Variants in CPNE4 observed in about 807,000 individuals in gnomAD.
The protein encoded by CPNE4 is copine-4.
A neutral mutation model predicts 67.9 loss-of-function variants in CPNE4; 25 were observed. That is an observed-to-expected ratio of 0.37 (90% CI 0.27 to 0.51). The LOEUF (loss-of-function observed/expected upper bound fraction) is 0.51, where lower values mean the gene tolerates loss of function less well. Ranked by LOEUF, CPNE4 falls within the 20% of genes least tolerant of loss-of-function variation. The pLI is 0.93. For synonymous variants in CPNE4, 242 were observed against 244.9 expected (o/e 0.99, Z 0.11); for missense variants, 464 against 690.8 (o/e 0.67, Z 3.68).
At chr3:131,756,596 A>G (rs2082755908) in intron 2 of CPNE4, among the ~76,000 whole-genome samples, 1 of 152,240 alleles carries the variant, frequency 6.6e-6, no homozygotes, top group Non-Finnish European at 1.5e-5. Flanking sequence ...TTTGGCCAGG[A>G]GATGGCAAGA....
At chr3:131,887,166 T>C (rs568545898) in intron 2 of CPNE4, among the ~76,000 whole-genome samples, 19 of 152,264 alleles carry the variant, frequency 1.2e-4, no homozygotes, top group African/African-American at 4.3e-4. Context: ...TGGGGACAGT[T>C]TCCCCCATAC....
chr3:131,989,411 T>TTTTCC (rs2073126459), intron 1 of CPNE4, among the ~76,000 whole-genome samples: 2 of 85,592 alleles, frequency 2.3e-5, no homozygotes, highest in Admixed American at 1.8e-4. Flanking sequence ...TCAAACACTG[T>TTTTCC]AGGTGAGTAA....
At chr3:131,961,213 C>T (rs1369039781) in intron 1 of CPNE4, among the ~76,000 whole-genome samples, 2 of 151,926 alleles carry the variant, frequency 1.3e-5, no homozygotes, top group African/African-American at 4.9e-5. Context: ...GTAACTCCCT[C>T]ATAGAATGAG....
In CPNE4 at chr3:132,030,481, G is replaced by A. The variant is rs1352616954; in HGVS notation, c.-2+4086C>T. ...GTTGCTGATCACAGTTTAGAGATGAGTCCATCACAGATCAGCTTAAATGGG... is the reference window on the plus strand; with the variant it reads ...GTTGCTGATCACAGTTTAGAGATGAATCCATCACAGATCAGCTTAAATGGG... On this transcript the variant is annotated intron_variant, in intron 1 of 15. Coordinates refer to ENST00000429747, the MANE Select transcript of CPNE4 (RefSeq NM_130808.3). Among the ~76,000 whole-genome samples the A allele has an allele frequency of 1.3e-5, 2 of 152,184 alleles. 1 individual carries two copies. The highest frequency in any genetic ancestry group is 4.8e-5 in the African/African-American group (2 of 41,436).
At chr3:131,975,414 T>C (rs2072621766) in intron 1 of CPNE4, among the ~76,000 whole-genome samples, 1 of 152,218 alleles carries the variant, frequency 6.6e-6, no homozygotes, top group African/African-American at 2.4e-5. Flanking sequence ...CCTTCTACTT[T>C]GGGAATGGGG....
intron 1 of CPNE4, among the ~76,000 whole-genome samples, chr3:131,930,830 G>A (rs1371844254): frequency 2.6e-5 from 4 of 152,180 alleles, no homozygotes; most frequent in African/African-American, 9.6e-5. Context: ...ATTGAATAGT[G>A]GGGAGCTCTC....
At chr3:131,789,033 C>CAG (rs1253711177) in intron 2 of CPNE4, among the ~76,000 whole-genome samples, 28 of 144,332 alleles carry the variant, frequency 1.9e-4, no homozygotes, top group African/African-American at 5.6e-4. Flanking sequence ...CACACACACA[C>CAG]ACAGAGAGAG....
At chr3:131,985,077 C>T (rs1583560679) in intron 1 of CPNE4, among the ~76,000 whole-genome samples, 1 of 152,170 alleles carries the variant, frequency 6.6e-6, no homozygotes, top group African/African-American at 2.4e-5. Context: ...GATCAGGATG[C>T]CAGCATTGTG....
At chr3:131,799,022 CT>C (rs923870697) in intron 2 of CPNE4, among the ~76,000 whole-genome samples, 5 of 151,888 alleles carry the variant, frequency 3.3e-5, no homozygotes, top group Non-Finnish European at 7.4e-5. Flanking sequence ...ATTAAAGACA[CT>C]TTTTTTTCAA....
At chr3:131,909,877 A>G (rs941528212) in intron 1 of CPNE4, among the ~76,000 whole-genome samples, 6 of 150,670 alleles carry the variant, frequency 4.0e-5, no homozygotes, top group African/African-American at 1.2e-4. Context: ...GAATAAACAT[A>G]TAAACTGGAG....
At chr3:131,803,260 T>C (rs2084195536) in intron 2 of CPNE4, among the ~76,000 whole-genome samples, 1 of 152,176 alleles carries the variant, frequency 6.6e-6, no homozygotes, top group Non-Finnish European at 1.5e-5. Context: ...GAGGATGACA[T>C]GAGATGTTGC....
chr3:131,712,340 A>C (rs2107724775), intron 3 of CPNE4, among the ~76,000 whole-genome samples: 1 of 152,354 alleles, frequency 6.6e-6, no homozygotes, highest in South Asian at 2.1e-4. Flanking sequence ...TAACATTTAA[A>C]AATATATCCT....
chr3:131,890,502 T>G (rs576375690), intron 2 of CPNE4, among the ~76,000 whole-genome samples: 3 of 151,550 alleles, frequency 2.0e-5, no homozygotes, highest in Admixed American at 6.6e-5. Context: ...GGTGGGAATA[T>G]AAAACGCTGC....
rs1491149355 is a variant in CPNE4 at position 131,953,240 on chromosome 3, A to AAAAAAT, written c.-1-47797_-1-47796insATTTTT. Among the ~76,000 whole-genome samples the AAAAAAT allele has an allele frequency of 5.4e-3, 354 of 65,956 alleles. 20 individuals carry two copies. The highest frequency in any genetic ancestry group is 0.015 in the African/African-American group (327 of 21,644). The allele number at this position is 65,956 out of a possible 152,430, so 43.3% of individuals were successfully genotyped here. A position where few individuals can be genotyped will look rare whatever the true frequency, so the allele number is the denominator to read the frequency against. On this transcript the variant is annotated intron_variant, in intron 1 of 15. Coordinates refer to ENST00000429747, the MANE Select transcript of CPNE4 (RefSeq NM_130808.3). ...GAGAAACACCCAAGAATGATCAATT[A>AAAAAAT]AAAAAAAAAAAAAAAAAAAAAAAAA...
chr3:131,589,527 G>C (rs1391874195), intron 7 of CPNE4, among the ~76,000 whole-genome samples: 1 of 152,140 alleles, frequency 6.6e-6, no homozygotes, highest in Admixed American at 6.5e-5. Flanking sequence ...TGACTCAAAT[G>C]GCAGTCTCCT....
At chr3:131,947,323 C>G (rs1427956619) in intron 1 of CPNE4, among the ~76,000 whole-genome samples, 1 of 152,076 alleles carries the variant, frequency 6.6e-6, no homozygotes, top group East Asian at 1.9e-4. Context: ...CACCTATCAA[C>G]CCATCATTTA....
intron 1 of CPNE4, among the ~76,000 whole-genome samples, chr3:131,940,844 C>T (rs1201422922): frequency 6.6e-6 from 1 of 151,914 alleles, no homozygotes; most frequent in African/African-American, 2.4e-5. Flanking sequence ...TCAAGCTGAC[C>T]CTTTTTAGCA....
intron 1 of CPNE4, among the ~76,000 whole-genome samples, chr3:131,932,262 T>C (rs1011651914): frequency 6.6e-5 from 10 of 152,190 alleles, no homozygotes; most frequent in Non-Finnish European, 1.3e-4. Context: ...GGTCACAGTA[T>C]AGAATCCTGA....
At chr3:131,837,985 C>T (rs1255925351) in intron 2 of CPNE4, among the ~76,000 whole-genome samples, 1 of 151,640 alleles carries the variant, frequency 6.6e-6, no homozygotes, top group South Asian at 2.1e-4. Flanking sequence ...AAACCATTAC[C>T]ACCATTTTTA....
Sources: gnomAD v4.1 joint callset for allele counts (sites outside exome capture counted in the v4.1 genomes callset) on GRCh38, gnomAD v4.1.1 for gene constraint, MANE v1.5 for transcripts, NCBI Gene and HGNC (gene_info 2026-07-23, HGNC 2026-07-21) for gene names.